Variants in PCM1 observed in about 807,000 individuals in gnomAD.
The protein encoded by PCM1 is pericentriolar material 1.
PCM1 carries 157 observed loss-of-function variants against 241.9 expected under a neutral mutation model. The observed-to-expected ratio is 0.65, with a 90% CI of 0.57 to 0.74. The LOEUF (loss-of-function observed/expected upper bound fraction) is 0.74, where lower values mean the gene tolerates loss of function less well. PCM1 is among the 30% of genes least tolerant of loss of function. PCM1 has a pLI of 0.00. For synonymous variants in PCM1, 1,085 were observed against 784.9 expected, an observed-to-expected ratio of 1.38 and a Z score of -6.39; for missense variants, 3,478 against 2,360.1, an observed-to-expected ratio of 1.47 and a Z score of -9.81.
intron 4 of PCM1, 50 bp from the exon 5 acceptor site, chr8:17,938,690 T>G (rs1348678026): frequency 1.4e-6 from 2 of 1,459,100 alleles, no homozygotes; most frequent in South Asian, 2.4e-5. Flanking sequence ...AAAACAAAAT[T>G]TTGTCATAAG....
Position 17,976,674 on chromosome 8 carries a change from G to A in PCM1, c.3944-3917G>A, listed in dbSNP as rs533485745. ...ATGGCTGATCTCTTTCCCTTCAGTG[G>A]AGGCTCAAGTAGAAGTACTGTTTCT... On this transcript the variant is annotated intron_variant, in intron 23 of 38. Coordinates refer to ENST00000325083, the MANE Select transcript of PCM1 (RefSeq NM_006197.4). 2.0e-5 allele frequency among the ~76,000 whole-genome samples: 3 copies of A among 152,258 alleles called. 1 individual carries two copies. The highest frequency in any genetic ancestry group is 7.2e-5 in the African/African-American group (3 of 41,554).
chr8:17,937,029 C>G (rs1164783985), intron 3 of PCM1, 105 bp from the exon 4 acceptor site: 1 of 844,390 alleles, frequency 1.2e-6, no homozygotes. Context: ...TCAAAAATGT[C>G]TTGTCTTTTT....
intron 20 of PCM1, 97 bp from the exon 21 acceptor site, chr8:17,966,883 G>T (rs561715605): frequency 2.6e-6 from 3 of 1,135,864 alleles, no homozygotes; most frequent in East Asian, 2.6e-5. Flanking sequence ...TTGTCTGCAT[G>T]CTTTTGAATC....
chr8:17,964,883 AT>A (rs1259137795), intron 18 of PCM1, 115 bp downstream of exon 18: 7 of 733,322 alleles, frequency 9.5e-6, no homozygotes, highest in Middle Eastern at 4.0e-4. Flanking sequence ...ACTCAATTCA[AT>A]TTTTACACTA....
chr8:18,001,589 A>AT (rs766926315), intron 29 of PCM1, among the ~76,000 whole-genome samples: 14 of 152,210 alleles, frequency 9.2e-5, no homozygotes, highest in Non-Finnish European at 1.5e-4. Flanking sequence ...TTACATTCTA[A>AT]TTTAAAATGG....
At chr8:17,939,088 C>G in intron 5 of PCM1, 79 bp downstream of exon 5, 2 of 1,408,402 alleles carry the variant, frequency 1.4e-6, no homozygotes, top group Non-Finnish European at 2.0e-6. Context: ...AATTAGGTTA[C>G]GCACACAGGA....
At position 17,966,386 on chromosome 8, in the gene PCM1, A is replaced by C; in HGVS notation, c.3134A>C (p.Asn1045Thr). 1 of 1,613,594 alleles carries C rather than the reference A, an allele frequency of 6.2e-7. No individual in the cohort carries two copies. The highest frequency in any genetic ancestry group is 8.5e-7 in the Non-Finnish European group (1 of 1,179,534). ...LTGPYSVMPS[N>T]VASPQVHFIM... ...GGTCCTTACAGTGTTATGCCCAGCA[A>C]TGTTGCATCTCCTCAAGTACACTTC... The change falls in exon 20 of 39, where the codon AAT (asparagine) becomes ACT (threonine). Residue 1045 changes from asparagine to threonine, a missense_variant. Physicochemically the swap from Asn to Thr is moderately conservative, Grantham distance 65. Coordinates refer to ENST00000325083, the MANE Select transcript of PCM1 (RefSeq NM_006197.4).
At position 18,029,278 on chromosome 8, in the gene PCM1, T is replaced by C. The variant is rs535738632; in HGVS notation, c.*1616T>C. On this transcript the variant is annotated 3_prime_UTR_variant, in exon 39 of 39. Transcript: ENST00000325083. Reference sequence around the variant, plus strand: ...ATTTACTGTATTGCTACTTAAATTATGGAAGACAATATATCTTCAACTTTA... The same window carrying C: ...ATTTACTGTATTGCTACTTAAATTACGGAAGACAATATATCTTCAACTTTA... The C allele has an allele frequency of 5.6e-4, 120 of 214,540 alleles. No individual in the cohort carries two copies. The highest frequency in any genetic ancestry group is 2.5e-3 in the African/African-American group (112 of 44,426). 13.3% of individuals were successfully genotyped at this position (214,540 alleles called of 1,614,324 possible).
rs1432658855 is a variant in PCM1, at chr8:18,029,919, A to T, written c.*2257A>T. The T allele has an allele frequency of 1.6e-5, 3 of 185,652 alleles. No individual in the cohort carries two copies. The highest frequency in any genetic ancestry group is 2.3e-5 in the African/African-American group (1 of 42,692). 11.5% of individuals were successfully genotyped at this position (185,652 alleles called of 1,614,324 possible). On this transcript the variant is annotated 3_prime_UTR_variant, in exon 39 of 39. Coordinates refer to ENST00000325083, the MANE Select transcript of PCM1 (RefSeq NM_006197.4). ...ATTGACTTTGGGTAAATGCTTTTTC[A>T]CTGTTAATAAATATATATCCTGTAT...
chr8:17,946,095 G>C (rs894126640), intron 6 of PCM1, among the ~76,000 whole-genome samples: 1 of 151,810 alleles, frequency 6.6e-6, no homozygotes, highest in African/African-American at 2.4e-5. Context: ...CCATTTTCTT[G>C]TTGGATTACA....
intron 4 of PCM1, among the ~76,000 whole-genome samples, chr8:17,938,203 A>G (rs540927080): frequency 1.6e-4 from 24 of 152,192 alleles, no homozygotes; most frequent in Non-Finnish European, 3.2e-4. Context: ...AAGTGCCAAC[A>G]TGAGTGGAAA....
Position 17,947,287 on chromosome 8 carries a change from T to C in PCM1, c.885T>C (p.Ala295=), listed in dbSNP as rs1195916675. The part of the protein sequence containing the change: ...RMLQQQEQLR[A]LQGRQAALLA... ...TACAACAGCAGGAGCAACTAAGAGC[T>C]CTACAGGGACGGCAGGCTGCACTTC... Residue 295 remains alanine (A), a synonymous_variant, in exon 7 of 39, where the codon GCT becomes GCC. Transcript: ENST00000325083. 2 of 1,612,812 alleles carry C rather than the reference T, an allele frequency of 1.2e-6. No homozygotes were observed. The highest frequency in any genetic ancestry group is 2.7e-5 in the African/African-American group (2 of 74,902).
chr8:18,000,081 T>TCAGGC (rs2088717814), intron 29 of PCM1, among the ~76,000 whole-genome samples: 1 of 152,142 alleles, frequency 6.6e-6, no homozygotes, highest in Non-Finnish European at 1.5e-5. Context: ...CTGTTTTATA[T>TCAGGC]TGGATGATCA....
chr8:17,994,094 G>C (rs1317884980), intron 29 of PCM1, among the ~76,000 whole-genome samples: 1 of 152,068 alleles, frequency 6.6e-6, no homozygotes, highest in Non-Finnish European at 1.5e-5. Context: ...ATTATTGACT[G>C]TAGTCACCCT....
Position 18,025,546 on chromosome 8 carries a change from A to T in PCM1, c.5937A>T (p.Ala1979=). 6.4e-7 allele frequency: 1 copy of T among 1,565,158 alleles called. No individual in the cohort carries two copies. The highest frequency in any genetic ancestry group is 8.7e-7 in the Non-Finnish European group (1 of 1,146,714). Residue 1979 remains alanine (A), a splice_region_variant and synonymous_variant, in exon 38 of 39, where the codon GCA becomes GCT. Coordinates refer to ENST00000325083, the MANE Select transcript of PCM1 (RefSeq NM_006197.4). Reference sequence around the variant, plus strand: ...TATTTTTAATTTTCATTCCAAAGGCAGATCTAAGAAAGAAAATGGTAGAAG... The same window carrying T: ...TATTTTTAATTTTCATTCCAAAGGCTGATCTAAGAAAGAAAATGGTAGAAG... The part of the protein sequence containing the change: ...LPLKLTIYSE[A]DLRKKMVEEE...
At chr8:17,990,179 C>G (rs2084047917) in intron 27 of PCM1, among the ~76,000 whole-genome samples, 200 bp downstream of exon 27, 1 of 152,036 alleles carries the variant, frequency 6.6e-6, no homozygotes, top group African/African-American at 2.4e-5. Flanking sequence ...ATTTTTGACT[C>G]TGCATATACT....
chr8:17,940,657 A>T (rs903546199), intron 6 of PCM1, among the ~76,000 whole-genome samples: 3 of 152,192 alleles, frequency 2.0e-5, no homozygotes, highest in African/African-American at 7.2e-5. Flanking sequence ...AAAGACTAGT[A>T]AATGGGACAG....
chr8:17,955,363 A>T, intron 9 of PCM1, 107 bp from the exon 10 acceptor site: 1 of 693,006 alleles, frequency 1.4e-6, no homozygotes, highest in Non-Finnish European at 2.3e-6. Context: ...GCAGAAATTA[A>T]GTTGTTAATT....
intron 9 of PCM1, among the ~76,000 whole-genome samples, chr8:17,953,703 TCAAG>T (rs2066929120): frequency 6.6e-6 from 1 of 152,190 alleles, no homozygotes; most frequent in Non-Finnish European, 1.5e-5. Flanking sequence ...AATAATCATC[TCAAG>T]CAGGTATAAC....
Sources: gnomAD v4.1 joint callset for allele counts (sites outside exome capture counted in the v4.1 genomes callset) on GRCh38, gnomAD v4.1.1 for gene constraint, MANE v1.5 for transcripts, NCBI Gene and HGNC (gene_info 2026-07-23, HGNC 2026-07-21) for gene names.